LRRC9: variants seen among roughly 807,000 people sequenced by gnomAD.
LRRC9 encodes leucine rich repeat containing 9, also known as leucine-rich repeat-containing protein 9.
A neutral mutation model predicts 63.2 loss-of-function variants in LRRC9; 122 were observed. The ratio of observed to expected loss-of-function variants is 1.93; its 90% CI spans 1.67 to 2.24. The LOEUF is 2.24. LRRC9 is among the 30% of genes most tolerant of loss of function. LRRC9 has a pLI of 0.00. For synonymous variants in LRRC9, 366 were observed against 213.1 expected, an observed-to-expected ratio of 1.72 and a Z score of -6.25; for missense variants, 1,071 against 627.7, an observed-to-expected ratio of 1.71 and a Z score of -7.55.
At chr14:60,046,581 G>C (rs1404766041) in intron 29 of LRRC9, among the ~76,000 whole-genome samples, 2 of 152,118 alleles carry the variant, frequency 1.3e-5, no homozygotes, top group Non-Finnish European at 2.9e-5. Context: ...TCAGATGGTT[G>C]TAGGTGTGCG....
rs546293070 is a variant in LRRC9, at chr14:60,003,396, C to T, written c.2665-225C>T. ...CCATTACTGTAATGGGACTCTAGCA[C>T]ATCGCAGTGTCCTTAATACCATATA... On this transcript the variant is annotated intron_variant, in intron 20 of 31. Coordinates refer to ENST00000445360, the Ensembl canonical transcript of LRRC9. This position sits in a 1 kb window ranked among gnomAD's most constrained non-coding sequence, Gnocchi z 4.2. Among the ~76,000 whole-genome samples, 10 of 152,332 alleles carry T rather than the reference C, an allele frequency of 6.6e-5. No individual in the cohort carries two copies. In the East Asian group the frequency reaches 9.7e-4, roughly 15 times the overall value.
downstream of LRRC9, among the ~76,000 whole-genome samples, chr14:60,065,851 A>T (rs572485129): frequency 6.6e-6 from 1 of 151,676 alleles, no homozygotes; most frequent in Non-Finnish European, 1.5e-5. Context: ...GTAAGCTAGA[A>T]ATTAAGGCAC....
intron 29 of LRRC9, among the ~76,000 whole-genome samples, chr14:60,047,301 T>C (rs966880186): frequency 1.3e-5 from 2 of 152,100 alleles, no homozygotes; most frequent in African/African-American, 4.8e-5. Flanking sequence ...CTATGTTGGA[T>C]AGGTGTGGTG....
intron 17 of LRRC9, among the ~76,000 whole-genome samples, chr14:59,993,079 G>C (rs1393210832): frequency 6.6e-6 from 1 of 152,218 alleles, no homozygotes; most frequent in African/African-American, 2.4e-5. Flanking sequence ...TACCCACAAA[G>C]GGAAAGTCCA....
chr14:59,934,504 A>G (rs1889970221), intron 6 of LRRC9, among the ~76,000 whole-genome samples: 1 of 152,194 alleles, frequency 6.6e-6, no homozygotes, highest in Admixed American at 6.5e-5. Context: ...GCTTAGGGCC[A>G]TGGCAAATTG....
Position 59,931,351 on chromosome 14 carries a change from A to G in LRRC9, c.409-268A>G, listed in dbSNP as rs544108759. Among the ~76,000 whole-genome samples the G allele has an allele frequency of 1.2e-4, 18 of 152,230 alleles. No individual in the cohort carries two copies. The South Asian group carries it at 3.3e-3, about 28-fold the overall frequency. On this transcript the variant is annotated intron_variant, in intron 4 of 31. Transcript: ENST00000445360. ...AGTTACATAACTTGCCTAAGATTATAAATATACTCTGTGTGATGTATTCTT... is the reference window on the plus strand; with the variant it reads ...AGTTACATAACTTGCCTAAGATTATGAATATACTCTGTGTGATGTATTCTT...
intron 26 of LRRC9, among the ~76,000 whole-genome samples, chr14:60,019,883 A>T (rs1469732672): frequency 2.0e-5 from 3 of 151,358 alleles, no homozygotes; most frequent in Non-Finnish European, 4.4e-5. Flanking sequence ...TGATATATAT[A>T]TTTTATAACG....
chr14:60,001,902 C>G (rs1889400185), intron 19 of LRRC9, 64 bp from the exon 20 acceptor site: 8 of 444,770 alleles, frequency 1.8e-5, no homozygotes, highest in East Asian at 1.7e-4. Flanking sequence ...ATAATTTTAA[C>G]TATATATCAA....
chr14:60,024,125 T>C (rs1422205125), intron 27 of LRRC9, among the ~76,000 whole-genome samples: 4 of 152,256 alleles, frequency 2.6e-5, no homozygotes, highest in Non-Finnish European at 4.4e-5. Context: ...TGTGTCTCTA[T>C]AGCAGAATGA....
At chr14:59,971,604 A>C (rs1885514265) in intron 12 of LRRC9, among the ~76,000 whole-genome samples, 1 of 151,908 alleles carries the variant, frequency 6.6e-6, no homozygotes, top group South Asian at 2.1e-4. Flanking sequence ...CTCTTATTTT[A>C]AAACCAGGCT....
intron 28 of LRRC9, among the ~76,000 whole-genome samples, chr14:60,030,643 T>C (rs1891918834): frequency 6.6e-6 from 1 of 152,010 alleles, no homozygotes; most frequent in African/African-American, 2.4e-5. Flanking sequence ...GCAACAACCA[T>C]TGGTATCCTG....
intron 28 of LRRC9, 37 bp downstream of exon 28, chr14:60,028,138 C>A: frequency 1.5e-6 from 1 of 664,918 alleles, no homozygotes; most frequent in South Asian, 1.7e-5. Flanking sequence ...GATTTACAAG[C>A]TTTAGTTTCT....
intron 6 of LRRC9, among the ~76,000 whole-genome samples, chr14:59,933,828 A>G (rs148778093): frequency 4.4e-4 from 67 of 152,278 alleles, no homozygotes; most frequent in African/African-American, 1.5e-3. Context: ...GGGAAGTGAG[A>G]AATCAAGGGG....
rs896980600 is a variant in LRRC9, at chr14:59,966,807, T to A, written c.1388+42T>A. 1.8e-6 allele frequency: 1 copy of A among 554,566 alleles called. No individual in the cohort carries two copies. Among genetic ancestry groups the A allele is most frequent in the African/African-American group, 1.9e-5 (1 of 53,452 alleles). 34.4% of individuals were successfully genotyped at this position (554,566 alleles called of 1,614,324 possible). A position where few individuals can be genotyped will look rare whatever the true frequency, so the allele number is the denominator to read the frequency against. On this transcript the variant is annotated intron_variant, in intron 11 of 31. Transcript: ENST00000445360. The surrounding 1 kb of genome is among the most constrained non-coding windows in gnomAD (Gnocchi z 4.0). The stretch of plus-strand genomic sequence containing the variant: ...TTTATGGAACAACTTTACAAAAGTG[T>A]GACTGTATTTGTAAAATTTCTATTT...
intron 13 of LRRC9, among the ~76,000 whole-genome samples, chr14:59,976,233 G>T (rs1268325380): frequency 6.6e-6 from 1 of 152,146 alleles, no homozygotes; most frequent in African/African-American, 2.4e-5. Flanking sequence ...ATGTTACAAT[G>T]TAATAATAAT....
At position 60,027,536 on chromosome 14, in the gene LRRC9, TATACTC is replaced by T. The variant is rs1251737610; in HGVS notation, c.3704-346_3704-341del. On this transcript the variant is annotated intron_variant, in intron 27 of 31. Transcript: ENST00000445360. This position sits in a 1 kb window ranked among gnomAD's most constrained non-coding sequence, Gnocchi z 4.0. ...ATTGTAATATCTATTAGAGTACTAA[TATACTC>T]AGGAAGCGTATCTTCTGCAGCAGTC... Among the ~76,000 whole-genome samples, 1 of 152,062 alleles carries T rather than the reference TATACTC, an allele frequency of 6.6e-6. No individual in the cohort carries two copies. Among genetic ancestry groups the T allele is most frequent in the Non-Finnish European group, 1.5e-5 (1 of 67,970 alleles).
chr14:60,040,727 T>C (rs1217687587), intron 29 of LRRC9, among the ~76,000 whole-genome samples: 5 of 152,000 alleles, frequency 3.3e-5, no homozygotes, highest in Non-Finnish European at 7.3e-5. Flanking sequence ...TGCCAGTCTG[T>C]GTCTTTTAAT....
intron 16 of LRRC9, 98 bp from the exon 17 acceptor site, chr14:59,985,007 C>T: frequency 2.2e-6 from 1 of 455,676 alleles, no homozygotes; most frequent in Middle Eastern, 5.8e-4. Flanking sequence ...AGTATATTGG[C>T]TCAAATAATT....
chr14:59,926,886 C>T (rs1695053662), intron 1 of LRRC9, among the ~76,000 whole-genome samples: 1 of 152,118 alleles, frequency 6.6e-6, no homozygotes, highest in African/African-American at 2.4e-5. Context: ...TAACCCCCAA[C>T]TGGAAACAGT....
Sources: allele counts gnomAD v4.1 joint callset (sites outside exome capture counted in the v4.1 genomes callset), GRCh38; gene constraint gnomAD v4.1.1; non-coding constraint Gnocchi (gnomAD v3.1); transcripts MANE v1.5; gene names NCBI Gene and HGNC (gene_info 2026-07-23, HGNC 2026-07-21).